Variants in ZCCHC24 observed in about 807,000 individuals in gnomAD.
ZCCHC24 encodes zinc finger CCHC domain-containing protein 24.
Under a neutral mutation model 26.2 loss-of-function variants are expected in ZCCHC24, and 10 were observed. The observed-to-expected ratio is 0.38, with a 90% CI of 0.24 to 0.65. The LOEUF (loss-of-function observed/expected upper bound fraction) is 0.65, where lower values mean the gene tolerates loss of function less well. Among genes scored for constraint, ZCCHC24 ranks in the 30% least tolerant of loss-of-function variants. The pLI is 0.54. For missense variants in ZCCHC24, 243 were observed against 329.1 expected (o/e 0.74, Z 2.03); for synonymous variants, 144 against 147.1 (o/e 0.98, Z 0.15).
Position 79,441,079 on chromosome 10 carries a change from AACAC to A in ZCCHC24, c.246+4112_246+4115del, listed in dbSNP as rs55762333. On this transcript the variant is annotated intron_variant, in intron 1 of 3. Coordinates refer to ENST00000372336, the MANE Select transcript of ZCCHC24 (RefSeq NM_153367.4). The stretch of plus-strand genomic sequence containing the variant: ...TCTCAGGCCCTGGAGCTGCCCCCTA[AACAC>A]ACACACACACACACACACACACACA... 2.7e-3 allele frequency among the ~76,000 whole-genome samples: 364 copies of A among 135,598 alleles called. 2 individuals are homozygous for A. Among genetic ancestry groups the A allele is most frequent in the African/African-American group, 6.3e-3 (222 of 35,478 alleles). 89.0% of individuals were successfully genotyped at this position (135,598 alleles called of 152,430 possible). A position where few individuals can be genotyped will look rare whatever the true frequency, so the allele number is the denominator to read the frequency against.
chr10:79,402,560 C>G (rs1856649078), intron 2 of ZCCHC24, among the ~76,000 whole-genome samples: 1 of 152,242 alleles, frequency 6.6e-6, no homozygotes. Context: ...TAGGCGTGAG[C>G]CACTGTGCCC....
At position 79,440,092 on chromosome 10, in the gene ZCCHC24, T is replaced by TGCC. The variant is rs1490503808; in HGVS notation, c.246+5100_246+5102dup. ...GAGGAGGGCTGAATAAAGAATCACA[T>TGCC]GCCACCACCACCACCACGACACACA... On this transcript the variant is annotated intron_variant, in intron 1 of 3. Transcript: ENST00000372336. Among the ~76,000 whole-genome samples the TGCC allele has an allele frequency of 4.7e-5, 7 of 150,380 alleles. No individual in the cohort carries two copies. The South Asian group carries it at 1.3e-3, about 27-fold the overall frequency.
In ZCCHC24 at chr10:79,383,647, A is replaced by G. The variant is rs1430107789; in HGVS notation, c.*2698T>C. ...TTTTCTTTTCTTTTTTTTTTTTTAA[A>G]AAAAGGCCCTCAAATATATACAGAC... is the stretch of plus-strand genomic sequence containing the variant. On this transcript the variant is annotated 3_prime_UTR_variant, in exon 4 of 4. Coordinates refer to ENST00000372336, the MANE Select transcript of ZCCHC24 (RefSeq NM_153367.4). The G allele has an allele frequency of 2.0e-5, 3 of 151,670 alleles. No individual in the cohort carries two copies. The highest frequency in any genetic ancestry group is 7.3e-5 in the African/African-American group (3 of 41,232). 9.4% of individuals were successfully genotyped at this position (151,670 alleles called of 1,614,324 possible).
intron 2 of ZCCHC24, among the ~76,000 whole-genome samples, chr10:79,404,413 C>A (rs2279336): frequency 0.53 from 80,901 of 151,812 alleles, 22,762 homozygotes; most frequent in East Asian, 0.85. Context: ...AGCGGAGGGG[C>A]GGGAGGGGAA....
At chr10:79,444,336 T>C (rs1857330271) in intron 1 of ZCCHC24, 9 of 1,299,126 alleles carry the variant, frequency 6.9e-6, no homozygotes, top group Non-Finnish European at 8.9e-6. Flanking sequence ...TGGGAGGTGG[T>C]GGCGATCTGT....
rs910395214 is a variant in ZCCHC24, at chr10:79,382,869, A to T, written c.*3476T>A. On this transcript the variant is annotated 3_prime_UTR_variant, in exon 4 of 4. Transcript: ENST00000372336. The stretch of plus-strand genomic sequence containing the variant: ...GAGCGGCGAGGCCAGGCTTTGCCCC[A>T]CTTCTTCTTCCCTCCTGGGGCCCTG... 3 of 152,684 alleles carry T rather than the reference A, an allele frequency of 2.0e-5. No homozygotes were observed. Among genetic ancestry groups the T allele is most frequent in the African/African-American group, 7.2e-5 (3 of 41,452 alleles). The allele number at this position is 152,684 out of a possible 1,614,324, so 9.5% of individuals were successfully genotyped here. A position where few individuals can be genotyped will look rare whatever the true frequency, so the allele number is the denominator to read the frequency against.
At chr10:79,445,140 A>ACGATGGGG in intron 1 of ZCCHC24, 55 bp downstream of exon 1, 2 of 1,098,800 alleles carry the variant, frequency 1.8e-6, no homozygotes, top group Non-Finnish European at 2.2e-6. Context: ...ACGGCCCGCC[A>ACGATGGGG]CGGTGGGGCG....
At chr10:79,394,220 G>A (rs1452043741) in intron 3 of ZCCHC24, 56 bp downstream of exon 3, 1 of 1,580,638 alleles carries the variant, frequency 6.3e-7, no homozygotes, top group South Asian at 1.2e-5. Context: ...GGTCCGGTAA[G>A]GGAAAAGTTG....
At position 79,389,279 on chromosome 10, in the gene ZCCHC24, A is replaced by C. The variant is rs558991670; in HGVS notation, c.613-2821T>G. ...TTGCAGGCCCAGGACTGAGGGCAGA[A>C]CCTCCATGGAGACTGAAGGGGTCAC... On this transcript the variant is annotated intron_variant, in intron 3 of 3. Coordinates refer to ENST00000372336, the MANE Select transcript of ZCCHC24 (RefSeq NM_153367.4). Among the ~76,000 whole-genome samples the C allele has an allele frequency of 2.6e-4, 40 of 152,270 alleles. No individual in the cohort carries two copies. The East Asian group carries it at 5.4e-3, about 21-fold the overall frequency.
At chr10:79,444,122 G>T in intron 1 of ZCCHC24, 2 of 1,545,846 alleles carry the variant, frequency 1.3e-6, no homozygotes, top group Non-Finnish European at 1.7e-6. Context: ...AGGTCTGGAA[G>T]GAAAGTGACC....
chr10:79,432,827 A>C (rs1293102062), intron 1 of ZCCHC24, 69 bp from the exon 2 acceptor site: 1 of 1,505,078 alleles, frequency 6.6e-7, no homozygotes, highest in Admixed American at 2.2e-5. Flanking sequence ...CCCCACCCAA[A>C]CACACGCATG....
chr10:79,394,312 G>A lies in ZCCHC24; in HGVS notation c.576C>T (p.Cys192=). 1.2e-6 allele frequency: 2 copies of A among 1,614,168 alleles called. No homozygotes were observed. The highest frequency in any genetic ancestry group is 1.7e-6 in the Non-Finnish European group (2 of 1,180,034). The change falls in exon 3 of 4, where the codon TGC becomes TGT. Residue 192 remains cysteine, a synonymous_variant. Coordinates refer to ENST00000372336, the MANE Select transcript of ZCCHC24 (RefSeq NM_153367.4). The part of the protein sequence containing the change: ...GNSWANMGQE[C]IKCHINVYPH... ...GATACACGTTGATGTGGCACTTGAT[G>A]CACTCCTGCCCCATGTTGGCCCAGG...
At chr10:79,423,581 C>CTATATATATATATTTTA (rs1554841868) in intron 2 of ZCCHC24, among the ~76,000 whole-genome samples, 1 of 53,746 alleles carries the variant, frequency 1.9e-5, no homozygotes, top group African/African-American at 7.7e-5. Flanking sequence ...AATATATATA[C>CTATATATATATATTTTA]TATATATATA....
At chr10:79,399,081 C>T (rs1051439590) in intron 2 of ZCCHC24, among the ~76,000 whole-genome samples, 2 of 152,158 alleles carry the variant, frequency 1.3e-5, no homozygotes, top group Non-Finnish European at 2.9e-5. Context: ...TAGGGCCTCC[C>T]CTCAGCCCAG....
chr10:79,411,911 C>A (rs1856799383), intron 2 of ZCCHC24, among the ~76,000 whole-genome samples: 1 of 152,210 alleles, frequency 6.6e-6, no homozygotes, highest in Non-Finnish European at 1.5e-5. Context: ...AGCAAGTCCA[C>A]CGTCCCCAGT....
At chr10:79,431,323 G>A (rs1857124055) in intron 2 of ZCCHC24, among the ~76,000 whole-genome samples, 1 of 152,192 alleles carries the variant, frequency 6.6e-6, no homozygotes, top group Non-Finnish European at 1.5e-5. Context: ...CTCACTCTCT[G>A]CTGGGAGCCA....
At chr10:79,428,767 T>C (rs946174766) in intron 2 of ZCCHC24, among the ~76,000 whole-genome samples, 3 of 152,154 alleles carry the variant, frequency 2.0e-5, no homozygotes, top group Admixed American at 1.3e-4. Flanking sequence ...AGGACTCAAA[T>C]TGCAAGAATC....
intron 1 of ZCCHC24, among the ~76,000 whole-genome samples, chr10:79,433,852 G>A (rs1857177373): frequency 6.6e-6 from 1 of 152,242 alleles, no homozygotes; most frequent in South Asian, 2.1e-4. Context: ...GCCCAGGTTG[G>A]GGACAGTCCT....
At chr10:79,388,375 C>CAGCT (rs903995454) in intron 3 of ZCCHC24, among the ~76,000 whole-genome samples, 1 of 152,222 alleles carries the variant, frequency 6.6e-6, no homozygotes, top group Non-Finnish European at 1.5e-5. Flanking sequence ...AGACCTCCAA[C>CAGCT]AGCTCCTCCA....
Sources: gnomAD v4.1 joint callset for allele counts (sites outside exome capture counted in the v4.1 genomes callset) on GRCh38, gnomAD v4.1.1 for gene constraint, MANE v1.5 for transcripts, NCBI Gene and HGNC (gene_info 2026-07-23, HGNC 2026-07-21) for gene names.